The following ADGRV1 variants were observed in gnomAD, a reference collection of about 807,000 sequenced individuals.
ADGRV1 encodes the protein G-protein coupled receptor 98.
In ADGRV1, 359 loss-of-function variants were observed where a neutral mutation model predicts 596.2. That is an observed-to-expected ratio of 0.60 (90% CI 0.55 to 0.66). ADGRV1 has a LOEUF of 0.66. ADGRV1 is among the 30% of genes least tolerant of loss of function. The pLI, the probability that ADGRV1 is intolerant of heterozygous loss-of-function variation, is 0.00. For synonymous variants in ADGRV1, 2,681 were observed against 2,679.2 expected (o/e 1.00, Z -0.02); for missense variants, 7,274 against 7,575.6 (o/e 0.96, Z 1.48).
At chr5:90,659,505 A>G (rs1287123533) in intron 21 of ADGRV1, among the ~76,000 whole-genome samples, 1 of 152,228 alleles carries the variant, frequency 6.6e-6, no homozygotes, top group African/African-American at 2.4e-5. Flanking sequence ...ATGCCTGGGT[A>G]AAAGACTGTT....
At chr5:91,029,858 TA>T (rs1196523294) in intron 85 of ADGRV1, among the ~76,000 whole-genome samples, 2 of 152,160 alleles carry the variant, frequency 1.3e-5, no homozygotes, top group East Asian at 3.8e-4. Context: ...CTCTTGATTT[TA>T]AAAAAATCAC....
chr5:90,691,092 T>G, intron 31 of ADGRV1, 51 bp downstream of exon 31: 3 of 1,603,028 alleles, frequency 1.9e-6, no homozygotes, highest in Non-Finnish European at 2.6e-6. Flanking sequence ...ACCGTATCTA[T>G]AGTGACTAGA....
intron 83 of ADGRV1, among the ~76,000 whole-genome samples, chr5:90,872,992 T>A (rs1032574042): frequency 6.6e-6 from 1 of 152,242 alleles, no homozygotes; most frequent in Non-Finnish European, 1.5e-5. Context: ...AAATTGGTTT[T>A]TAGATTTACA....
chr5:90,686,033 G>T (rs1580732519), intron 29 of ADGRV1, 38 bp downstream of exon 29: 2 of 1,328,632 alleles, frequency 1.5e-6, no homozygotes. Context: ...CATACAGAGG[G>T]ATGTAAGCAC....
intron 83 of ADGRV1, among the ~76,000 whole-genome samples, chr5:90,867,069 AC>A (rs1280717387): frequency 1.3e-5 from 2 of 152,104 alleles, no homozygotes; most frequent in East Asian, 1.9e-4. Flanking sequence ...CACATTGCCA[AC>A]CCATGTGTGC....
intron 32 of ADGRV1, among the ~76,000 whole-genome samples, chr5:90,693,670 G>C (rs1746783798): frequency 6.6e-6 from 1 of 152,068 alleles, no homozygotes; most frequent in South Asian, 2.1e-4. Flanking sequence ...TTCATAGCTT[G>C]GTTAAAAATA....
intron 59 of ADGRV1, among the ~76,000 whole-genome samples, chr5:90,765,446 C>T (rs1757006247): frequency 6.7e-6 from 1 of 148,584 alleles, no homozygotes; most frequent in Admixed American, 6.7e-5. Flanking sequence ...CACACACACA[C>T]ACACACACAC....
intron 83 of ADGRV1, among the ~76,000 whole-genome samples, chr5:90,889,604 C>T (rs909045423): frequency 5.3e-5 from 8 of 151,972 alleles, no homozygotes; most frequent in Admixed American, 1.3e-4. Flanking sequence ...TTTATTTTTT[C>T]CTCATTTTTT....
At chr5:90,929,775 ATTAG>A (rs1775036029) in intron 83 of ADGRV1, 1 of 152,214 alleles carries the variant, frequency 6.6e-6, no homozygotes, top group South Asian at 2.1e-4. Context: ...TTTTGATCAT[ATTAG>A]TTGGTACAGT....
At chr5:90,726,442 T>A (rs1050501082) in intron 48 of ADGRV1, among the ~76,000 whole-genome samples, 18 of 152,194 alleles carry the variant, frequency 1.2e-4, no homozygotes, top group African/African-American at 4.3e-4. Flanking sequence ...CCTTCTATAG[T>A]AAGACATCCT....
At chr5:90,776,694 A>G in intron 61 of ADGRV1, 118 bp downstream of exon 61, 1 of 1,142,130 alleles carries the variant, frequency 8.8e-7, no homozygotes. Flanking sequence ...AACATTCTAT[A>G]TACTGTTAAC....
chr5:90,768,111 G>A (rs1310270473), intron 59 of ADGRV1, among the ~76,000 whole-genome samples: 1 of 152,148 alleles, frequency 6.6e-6, no homozygotes, highest in African/African-American at 2.4e-5. Flanking sequence ...TGATTAAAAA[G>A]GTTTTCTTGT....
At chr5:90,953,927 A>T (rs779174561) in intron 83 of ADGRV1, among the ~76,000 whole-genome samples, 2 of 152,010 alleles carry the variant, frequency 1.3e-5, no homozygotes, top group African/African-American at 4.8e-5. Flanking sequence ...ACCTGTAGGC[A>T]TGTGTTTTAT....
At chr5:90,935,978 C>T (rs891291508) in intron 83 of ADGRV1, among the ~76,000 whole-genome samples, 1 of 151,976 alleles carries the variant, frequency 6.6e-6, no homozygotes, top group African/African-American at 2.4e-5. Context: ...AACATAGCGA[C>T]CACCCCATCT....
chr5:90,615,006 C>T lies in ADGRV1; in HGVS notation c.194C>T (p.Thr65Ile), dbSNP rs1168013540. Residue 65 changes from threonine to isoleucine, a missense_variant, in exon 2 of 90, where the codon ACT (threonine) becomes ATT (isoleucine). Thr to Ile is a moderately conservative substitution (Grantham distance 89). Transcript: ENST00000405460. The part of the protein sequence containing the change: ...IERIGEPANV[T>I]AIVSLYGEDA... ...AGGATAGGAGAGCCAGCAAATGTTA[C>T]TGCAATTGTATCGGTAAGAAATTAT... 2.8e-6 allele frequency: 4 copies of T among 1,453,772 alleles called. No homozygotes were observed. The highest frequency in any genetic ancestry group is 1.4e-5 in the African/African-American group (1 of 70,278). The allele number at this position is 1,453,772 out of a possible 1,614,324, so 90.1% of individuals were successfully genotyped here. A position where few individuals can be genotyped will look rare whatever the true frequency, so the allele number is the denominator to read the frequency against.
intron 86 of ADGRV1, among the ~76,000 whole-genome samples, chr5:91,086,163 G>C (rs1789856533): frequency 6.6e-6 from 1 of 152,144 alleles, no homozygotes; most frequent in South Asian, 2.1e-4. Flanking sequence ...AAACTCTGAA[G>C]TATATGTATT....
In ADGRV1 at chr5:90,918,184, G is replaced by A. The variant is rs183826267; in HGVS notation, c.17857-47231G>A. On this transcript the variant is annotated intron_variant, in intron 83 of 89. Transcript: ENST00000405460. ...GGATCAGTCCAATCTGGTGGCTGTG[G>A]CAGGTGCTAAATCTTGTAGGAAGTA... is the stretch of plus-strand genomic sequence containing the variant. Among the ~76,000 whole-genome samples the A allele has an allele frequency of 1.7e-3, 262 of 152,110 alleles. 1 individual carries two copies. The highest frequency in any genetic ancestry group is 6.0e-3 in the African/African-American group (250 of 41,506).
intron 85 of ADGRV1, among the ~76,000 whole-genome samples, chr5:91,051,206 G>A (rs1786291245): frequency 6.6e-6 from 1 of 152,180 alleles, no homozygotes; most frequent in Admixed American, 6.5e-5. Flanking sequence ...TTATATGCAT[G>A]TTTTAAATAT....
intron 87 of ADGRV1, among the ~76,000 whole-genome samples, chr5:91,105,924 G>C (rs570902681): frequency 7.3e-5 from 11 of 150,618 alleles, no homozygotes; most frequent in African/African-American, 2.7e-4. Context: ...TTTATAAATA[G>C]ATTCTTATTA....
Sources: gnomAD v4.1 joint callset for allele counts (sites outside exome capture counted in the v4.1 genomes callset) on GRCh38, gnomAD v4.1.1 for gene constraint, MANE v1.5 for transcripts, NCBI Gene and HGNC (gene_info 2026-07-23, HGNC 2026-07-21) for gene names.